DUSP10: variants seen among roughly 807,000 people sequenced by gnomAD.
The protein encoded by DUSP10 is dual specificity protein phosphatase 10.
A neutral mutation model predicts 30.8 loss-of-function variants in DUSP10; 14 were observed. The ratio of observed to expected loss-of-function variants is 0.46; its 90% CI spans 0.30 to 0.71. The LOEUF (loss-of-function observed/expected upper bound fraction) is 0.71. Ranked by LOEUF, DUSP10 falls within the 30% of genes least tolerant of loss-of-function variation. The pLI, the probability that DUSP10 is intolerant of heterozygous loss-of-function variation, is 0.08. For missense variants in DUSP10, 550 were observed against 619.4 expected, an observed-to-expected ratio of 0.89 and a Z score of 1.19; for synonymous variants, 254 against 250.4, an observed-to-expected ratio of 1.01 and a Z score of -0.14.
chr1:221,706,258 C>T lies in DUSP10; in HGVS notation c.1020G>A (p.Leu340=). The T allele has an allele frequency of 5.6e-6, 9 of 1,614,150 alleles. No individual in the cohort carries two copies. Among genetic ancestry groups the T allele is most frequent in the Non-Finnish European group, 6.8e-6 (8 of 1,180,024 alleles). The change falls in exon 3 of 4, where the codon CTG becomes CTA. Residue 340 remains leucine (L), a synonymous_variant. Coordinates refer to ENST00000366899, the MANE Select transcript of DUSP10 (RefSeq NM_007207.6). The surrounding 1 kb of genome is among the most constrained non-coding windows in gnomAD (Gnocchi z 4.6). The part of the protein sequence containing the change: ...FLGNEQDAQD[L]DTMQRLNIGY... ...CGATGTTCAGCCGCTGCATGGTGTC[C>T]AGGTCCTGAGCATCCTGCTCATTGC...
intron 1 of DUSP10, 49 bp from the exon 2 acceptor site, chr1:221,739,836 A>G (rs986357618): frequency 2.9e-5 from 42 of 1,466,808 alleles, no homozygotes; most frequent in Non-Finnish European, 3.4e-5. Context: ...ACGTGACACA[A>G]AAGGCAGTCT....
At position 221,736,974 on chromosome 1, in the gene DUSP10, G is replaced by T. The variant is rs948351798; in HGVS notation, c.811+1960C>A. ...AGTGTGTCCTGCCCCGCCCCATTGA[G>T]GCAATCTTACTCTGACACTGAGGAA... On this transcript the variant is annotated intron_variant, in intron 2 of 3. Transcript: ENST00000366899. 3.0e-6 allele frequency: 3 copies of T among 985,456 alleles called. No homozygotes were observed. In the African/African-American group the frequency reaches 5.2e-5, roughly 17 times the overall value. The allele number at this position is 985,456 out of a possible 1,614,324, so 61.0% of individuals were successfully genotyped here. A position where few individuals can be genotyped will look rare whatever the true frequency, so the allele number is the denominator to read the frequency against.
chr1:221,734,284 C>A (rs1473746504), intron 2 of DUSP10, among the ~76,000 whole-genome samples: 2 of 152,106 alleles, frequency 1.3e-5, no homozygotes, highest in African/African-American at 2.4e-5. Flanking sequence ...CTGGATATAC[C>A]CAAATTACTC....
chr1:221,727,355 A>G (rs1476538511), intron 2 of DUSP10, among the ~76,000 whole-genome samples: 6 of 152,248 alleles, frequency 3.9e-5, no homozygotes, highest in Non-Finnish European at 5.9e-5. Context: ...CCAAAGGATT[A>G]TATACTGGTT....
At position 221,706,332 on chromosome 1, in the gene DUSP10, CA is replaced by C; in HGVS notation, c.945del (p.Asp316ThrfsTer31). 1 of 1,612,626 alleles carries C rather than the reference CA, an allele frequency of 6.2e-7. No individual in the cohort carries two copies. The highest frequency in any genetic ancestry group is 8.5e-7 in the Non-Finnish European group (1 of 1,178,808). Reference protein sequence around the residue: ...SLLPQPIPTTPDIENAELTPI... With the variant: ...SLLPQPIPTTXDIENAELTPI... ...GGGGTGAGCTCAGCGTTCTCGATGT[CA>C]GGGGTGGTGGGGATGGGCTGAGGTA... On this transcript the variant is annotated frameshift_variant, in exon 3 of 4. Coordinates refer to ENST00000366899, the MANE Select transcript of DUSP10 (RefSeq NM_007207.6). LOFTEE classifies it high-confidence loss of function. This position sits in a 1 kb window ranked among gnomAD's most constrained non-coding sequence, Gnocchi z 4.6.
At chr1:221,734,034 C>T (rs1661693045) in intron 2 of DUSP10, among the ~76,000 whole-genome samples, 1 of 152,164 alleles carries the variant, frequency 6.6e-6, no homozygotes, top group Non-Finnish European at 1.5e-5. Flanking sequence ...TCAACTCCTT[C>T]CCTCCTTTTT....
At chr1:221,726,219 A>C (rs1661419012) in intron 2 of DUSP10, among the ~76,000 whole-genome samples, 1 of 152,226 alleles carries the variant, frequency 6.6e-6, no homozygotes. Context: ...CTAGCACCCA[A>C]AATGGCAGCT....
intron 2 of DUSP10, among the ~76,000 whole-genome samples, chr1:221,718,822 G>A (rs1022377281): frequency 6.6e-6 from 1 of 152,194 alleles, no homozygotes; most frequent in Non-Finnish European, 1.5e-5. Flanking sequence ...TTTAAGTAAA[G>A]TCCAATTAAA....
chr1:221,720,817 C>T (rs1330416817), intron 2 of DUSP10, among the ~76,000 whole-genome samples: 1 of 152,134 alleles, frequency 6.6e-6, no homozygotes, highest in Non-Finnish European at 1.5e-5. Flanking sequence ...TTACAGCTAC[C>T]CTTCCAAATC....
At chr1:221,726,572 TTA>T (rs1661431239) in intron 2 of DUSP10, among the ~76,000 whole-genome samples, 1 of 152,146 alleles carries the variant, frequency 6.6e-6, no homozygotes, top group South Asian at 2.1e-4. Flanking sequence ...ATTAGTAATA[TTA>T]TGTTTTTCTT....
In DUSP10 at chr1:221,702,627, C is replaced by T. The variant is rs1327392364; in HGVS notation, c.1234G>A (p.Val412Met). The T allele has an allele frequency of 6.2e-7, 1 of 1,614,002 alleles. No individual in the cohort carries two copies. The highest frequency in any genetic ancestry group is 1.3e-5 in the African/African-American group (1 of 74,906). ...ATGACGATGGTGGCGGAGCGGGACACCCCAGCCTGGCAGTGGATGAGAAGC... is the reference window on the plus strand; with the variant it reads ...ATGACGATGGTGGCGGAGCGGGACATCCCAGCCTGGCAGTGGATGAGAAGC... ...KGLLIHCQAG[V>M]SRSATIVIAY... Residue 412 changes from valine (V) to methionine (M), a missense_variant, in exon 4 of 4, where the codon GTG (valine) becomes ATG (methionine). Physicochemically the swap from Val to Met is conservative, Grantham distance 21. Transcript: ENST00000366899. The surrounding 1 kb of genome is among the most constrained non-coding windows in gnomAD (Gnocchi z 4.5).
intron 2 of DUSP10, among the ~76,000 whole-genome samples, chr1:221,728,674 T>C (rs1661492875): frequency 6.6e-6 from 1 of 152,238 alleles, no homozygotes; most frequent in African/African-American, 2.4e-5. Flanking sequence ...ATCTATAGTT[T>C]TCATTATCAT....
chr1:221,702,308 A>G lies in DUSP10; in HGVS notation c.*104T>C, dbSNP rs115460687. 4.0e-4 allele frequency: 541 copies of G among 1,336,242 alleles called. 1 individual carries two copies. In the African/African-American group the frequency reaches 7.0e-3, roughly 17 times the overall value. 82.8% of individuals were successfully genotyped at this position (1,336,242 alleles called of 1,614,324 possible). A position where few individuals can be genotyped will look rare whatever the true frequency, so the allele number is the denominator to read the frequency against. ...CAAGTTTGTTTCCATTCACAAACTTACTCCCAACTACAAAAAAAAAAAGAA... is the reference window on the plus strand; with the variant it reads ...CAAGTTTGTTTCCATTCACAAACTTGCTCCCAACTACAAAAAAAAAAAGAA... On this transcript the variant is annotated 3_prime_UTR_variant, in exon 4 of 4. Coordinates refer to ENST00000366899, the MANE Select transcript of DUSP10 (RefSeq NM_007207.6). This position sits in a 1 kb window ranked among gnomAD's most constrained non-coding sequence, Gnocchi z 4.5.
rs759492032 is a variant in DUSP10, at chr1:221,702,462, T to C, written c.1399A>G (p.Thr467Ala). ...EFEEDLNNGVTPRILTPKLMG... is the reference protein window; with the variant it reads ...EFEEDLNNGVAPRILTPKLMG... ...AGCTTTGGTGTAAGGATTCTCGGTG[T>C]CACACCGTTGTTTAGGTCTTCCTCG... The change falls in exon 4 of 4, where the codon ACA becomes GCA. Residue 467 changes from threonine (T) to alanine (A), a missense_variant. By Grantham distance (58) the Thr-to-Ala change is moderately conservative (BLOSUM62 0). Coordinates refer to ENST00000366899, the MANE Select transcript of DUSP10 (RefSeq NM_007207.6). The surrounding 1 kb of genome is among the most constrained non-coding windows in gnomAD (Gnocchi z 4.5). The C allele has an allele frequency of 3.1e-6, 5 of 1,613,902 alleles. No individual in the cohort carries two copies. The highest frequency in any genetic ancestry group is 1.1e-5 in the South Asian group (1 of 91,068).
chr1:221,724,431 C>A (rs1450195656), intron 2 of DUSP10, among the ~76,000 whole-genome samples: 2 of 151,874 alleles, frequency 1.3e-5, no homozygotes, highest in African/African-American at 4.8e-5. Flanking sequence ...GTGCAAATAT[C>A]ATTTCAAGAG....
At chr1:221,730,302 T>C (rs1321071644) in intron 2 of DUSP10, among the ~76,000 whole-genome samples, 1 of 152,168 alleles carries the variant, frequency 6.6e-6, no homozygotes, top group Non-Finnish European at 1.5e-5. Flanking sequence ...ATCAGTCGAG[T>C]TCGCATTATA....
intron 2 of DUSP10, chr1:221,737,250 C>A (rs1019260724): frequency 1.0e-6 from 1 of 985,232 alleles, no homozygotes; most frequent in South Asian, 4.7e-5. Flanking sequence ...AAAAGACTTG[C>A]TTTTTATCAT....
intron 2 of DUSP10, among the ~76,000 whole-genome samples, chr1:221,737,639 T>C (rs1179766055): frequency 3.9e-5 from 6 of 152,176 alleles, no homozygotes; most frequent in Non-Finnish European, 8.8e-5. Context: ...AGGAGAGATG[T>C]GCCTTTGTGG....
At chr1:221,712,365 ATT>A (rs1051584764) in intron 2 of DUSP10, among the ~76,000 whole-genome samples, 3 of 152,126 alleles carry the variant, frequency 2.0e-5, no homozygotes, top group Non-Finnish European at 4.4e-5. Flanking sequence ...ATAAAGAAGT[ATT>A]TATCTTACTC....
Sources: gnomAD v4.1 joint callset for allele counts (sites outside exome capture counted in the v4.1 genomes callset) on GRCh38, gnomAD v4.1.1 for gene constraint, Gnocchi (gnomAD v3.1) non-coding constraint, MANE v1.5 for transcripts, NCBI Gene and HGNC (gene_info 2026-07-23, HGNC 2026-07-21) for gene names.